Variants in MAST2 observed in about 807,000 individuals in gnomAD.
MAST2 encodes microtubule associated serine/threonine kinase 2.
A neutral mutation model predicts 147.4 loss-of-function variants in MAST2; 70 were observed. That is an observed-to-expected ratio of 0.47 (90% CI 0.39 to 0.58). The LOEUF is 0.58. Among genes scored for constraint, MAST2 ranks in the 20% least tolerant of loss-of-function variants. The probability of loss-of-function intolerance (pLI) is 0.00; values close to 1 mark genes in which losing one functional copy is unlikely to be tolerated. For synonymous variants in MAST2, 869 were observed against 896.8 expected (o/e 0.97, Z 0.55); for missense variants, 2,080 against 2,302.3 (o/e 0.90, Z 1.98).
chr1:45,846,619 AG>A (rs1236784592), intron 3 of MAST2, among the ~76,000 whole-genome samples: 1 of 152,088 alleles, frequency 6.6e-6, no homozygotes, highest in Non-Finnish European at 1.5e-5. Flanking sequence ...CAGAAGTTCA[AG>A]ACCAGCCTGG....
Position 46,010,757 on chromosome 1 carries a change from G to A in MAST2, c.1006G>A (p.Ala336Thr). The change falls in exon 10 of 29, where the codon GCA becomes ACA. Residue 336 changes from alanine to threonine, a missense_variant. Around this residue, in one of 4 missense-constraint regions of MAST2, gnomAD observed 569 missense variants for 642.5 expected, o/e 0.89. Coordinates refer to ENST00000361297, the MANE Select transcript of MAST2 (RefSeq NM_015112.3). ...KATAQMEERLAEFISSNTPDS... is the reference protein window; with the variant it reads ...KATAQMEERLTEFISSNTPDS... ...CACCGCACAAATGGAAGAGCGACTAGCAGAGTTTATTTCCTCCAACACTCC... is the reference window on the plus strand; with the variant it reads ...CACCGCACAAATGGAAGAGCGACTAACAGAGTTTATTTCCTCCAACACTCC... 6.2e-7 allele frequency: 1 copy of A among 1,613,834 alleles called. No individual in the cohort carries two copies. The highest frequency in any genetic ancestry group is 8.5e-7 in the Non-Finnish European group (1 of 1,179,958).
At chr1:45,912,278 A>G (rs960798459) in intron 4 of MAST2, among the ~76,000 whole-genome samples, 2 of 152,142 alleles carry the variant, frequency 1.3e-5, no homozygotes, top group African/African-American at 4.8e-5. Flanking sequence ...TTTGACTTCA[A>G]TAACAAATAA....
intron 11 of MAST2, 126 bp from the exon 12 acceptor site, chr1:46,021,824 G>A (rs553305839): frequency 3.6e-6 from 3 of 844,466 alleles, no homozygotes; most frequent in East Asian, 2.5e-5. Flanking sequence ...GAATATTCAG[G>A]GGTGGGAGTG....
At chr1:46,009,453 T>C (rs1335358120) in intron 9 of MAST2, among the ~76,000 whole-genome samples, 2 of 152,252 alleles carry the variant, frequency 1.3e-5, no homozygotes, top group African/African-American at 4.8e-5. Context: ...GATACTGGAC[T>C]GCAGAACCTG....
intron 3 of MAST2, among the ~76,000 whole-genome samples, chr1:45,846,328 A>G (rs1208885674): frequency 6.6e-6 from 1 of 152,218 alleles, no homozygotes; most frequent in Non-Finnish European, 1.5e-5. Flanking sequence ...GGAATCTTTT[A>G]GGAAACAGGT....
intron 5 of MAST2, among the ~76,000 whole-genome samples, chr1:45,985,677 T>TTG (rs1302451560): frequency 6.6e-6 from 1 of 152,236 alleles, no homozygotes; most frequent in Non-Finnish European, 1.5e-5. Flanking sequence ...TTTATTGGGA[T>TTG]TGTGCTGAAT....
chr1:45,804,012 G>T lies in MAST2; in HGVS notation c.117G>T (p.Pro39=). 2 of 1,200,060 alleles carry T rather than the reference G, an allele frequency of 1.7e-6. No homozygotes were observed. Among genetic ancestry groups the T allele is most frequent in the East Asian group, 3.2e-5 (1 of 31,326 alleles). The allele number at this position is 1,200,060 out of a possible 1,614,324, so 74.3% of individuals were successfully genotyped here. Reference sequence around the variant, plus strand: ...CTTTGCCGCCGCGCCGGCGAGCGCCGCCCGGGAGGCAGCGGCTGGAGGAGC... The same window carrying T: ...CTTTGCCGCCGCGCCGGCGAGCGCCTCCCGGGAGGCAGCGGCTGGAGGAGC... ...SQSLPPRRRA[P]PGRQRLEERT... is the part of the protein sequence containing the mutation. The change falls in exon 1 of 29, where the codon CCG becomes CCT. Residue 39 remains proline, a synonymous_variant. Coordinates refer to ENST00000361297, the MANE Select transcript of MAST2 (RefSeq NM_015112.3).
chr1:45,849,267 A>G (rs1645544373), intron 3 of MAST2, among the ~76,000 whole-genome samples: 1 of 152,208 alleles, frequency 6.6e-6, no homozygotes, highest in South Asian at 2.1e-4. Context: ...AAGAGCTTGA[A>G]TAGCCAAGGC....
At chr1:45,839,113 A>G (rs961659786) in intron 3 of MAST2, among the ~76,000 whole-genome samples, 53 of 145,950 alleles carry the variant, frequency 3.6e-4, no homozygotes, top group Middle Eastern at 7.6e-3. Context: ...GGCTGGGACT[A>G]CAGGCACCAT....
At chr1:46,025,396 C>T (rs1362467221) in intron 15 of MAST2, among the ~76,000 whole-genome samples, 1 of 152,130 alleles carries the variant, frequency 6.6e-6, no homozygotes, top group Admixed American at 6.5e-5. Context: ...TGGGAAAGAC[C>T]CACTTCCATG....
At chr1:45,935,257 T>C (rs1230835927) in intron 4 of MAST2, among the ~76,000 whole-genome samples, 1 of 152,182 alleles carries the variant, frequency 6.6e-6, no homozygotes, top group Non-Finnish European at 1.5e-5. Context: ...TGTTTTTTGC[T>C]TGTTCAGTTA....
intron 4 of MAST2, among the ~76,000 whole-genome samples, chr1:45,910,451 A>T (rs1651501343): frequency 6.6e-6 from 1 of 152,240 alleles, no homozygotes; most frequent in African/African-American, 2.4e-5. Flanking sequence ...TTCTAGCATT[A>T]ACTGTTCAAC....
Position 46,035,298 on chromosome 1 carries a change from A to G in MAST2, c.4629A>G (p.Glu1543=), listed in dbSNP as rs772260255. Residue 1543 remains glutamate, a synonymous_variant, in exon 29 of 29, where the codon GAA becomes GAG. Coordinates refer to ENST00000361297, the MANE Select transcript of MAST2 (RefSeq NM_015112.3). This position sits in a 1 kb window ranked among gnomAD's most constrained non-coding sequence, Gnocchi z 5.5. ...CTAAAGGAGCAGGAGAGAGTGGGGA[A>G]GAGGATCCTTTCCCGTCCAGAGACC... is the stretch of plus-strand genomic sequence containing the variant. ...VAPKGAGESG[E]EDPFPSRDPR... 1.2e-6 allele frequency: 2 copies of G among 1,613,998 alleles called. No homozygotes were observed. The highest frequency in any genetic ancestry group is 3.3e-5 in the Admixed American group (2 of 60,018).
At chr1:45,941,624 A>G (rs1335160903) in intron 4 of MAST2, among the ~76,000 whole-genome samples, 2 of 152,132 alleles carry the variant, frequency 1.3e-5, no homozygotes, top group African/African-American at 4.8e-5. Flanking sequence ...TGTGTGAATG[A>G]TAACAGTTTT....
chr1:45,901,478 A>G (rs576250890), intron 4 of MAST2, among the ~76,000 whole-genome samples: 3 of 152,224 alleles, frequency 2.0e-5, no homozygotes, highest in Non-Finnish European at 4.4e-5. Flanking sequence ...TGCTTTTACT[A>G]TGTGGGCTCT....
Position 46,035,804 on chromosome 1 carries a change from G to T in MAST2, c.5135G>T (p.Arg1712Ile), listed in dbSNP as rs1488778854. ...QGKTQPPSAP[R>I]LAHPSYEDPS... ...AAGACACAGCCACCTAGTGCCCCCA[G>T]ACTGGCCCATCCATCTTATGAGGAT... The change falls in exon 29 of 29, where the codon AGA becomes ATA. Residue 1712 changes from arginine (R) to isoleucine (I), a missense_variant. By Grantham distance (97) the Arg-to-Ile change is moderately conservative. Coordinates refer to ENST00000361297, the MANE Select transcript of MAST2 (RefSeq NM_015112.3). The surrounding 1 kb of genome is among the most constrained non-coding windows in gnomAD (Gnocchi z 5.5). The T allele has an allele frequency of 1.2e-6, 2 of 1,614,134 alleles. No individual in the cohort carries two copies. The highest frequency in any genetic ancestry group is 2.2e-5 in the South Asian group (2 of 91,082).
rs749285197 is a variant in MAST2 at position 46,036,048 on chromosome 1, G to A, written c.5379G>A (p.Glu1793=). 1 of 1,608,212 alleles carries A rather than the reference G, an allele frequency of 6.2e-7. No homozygotes were observed. The highest frequency in any genetic ancestry group is 1.1e-5 in the South Asian group (1 of 90,430). The part of the protein sequence containing the change: ...KHRDLALVPD[E]LLKQT ...GGGATTTGGCATTGGTTCCAGATGA[G>A]CTTTTAAAGCAAACATAGCAGTTGT... is the stretch of plus-strand genomic sequence containing the variant. Residue 1793 remains glutamate, a synonymous_variant, in exon 29 of 29, where the codon GAG becomes GAA. Transcript: ENST00000361297.
chr1:45,955,310 C>G (rs1364444535), intron 4 of MAST2, among the ~76,000 whole-genome samples: 1 of 152,138 alleles, frequency 6.6e-6, no homozygotes, highest in East Asian at 1.9e-4. Context: ...TACACATCTT[C>G]CTGTATACTT....
At chr1:45,934,117 G>T (rs941570894) in intron 4 of MAST2, among the ~76,000 whole-genome samples, 5 of 151,892 alleles carry the variant, frequency 3.3e-5, no homozygotes, top group African/African-American at 1.2e-4. Flanking sequence ...TCCCTTCCTT[G>T]TGTCCATGTA....
Sources: gnomAD v4.1 joint callset for allele counts (sites outside exome capture counted in the v4.1 genomes callset) on GRCh38, gnomAD v4.1.1 for gene constraint, gnomAD v4.1.1 regional missense constraint, Gnocchi (gnomAD v3.1) non-coding constraint, MANE v1.5 for transcripts, NCBI Gene and HGNC (gene_info 2026-07-23, HGNC 2026-07-21) for gene names.